The following DNAH2 variants were observed in gnomAD, a reference collection of about 807,000 sequenced individuals.
The protein encoded by DNAH2 is axonemal beta dynein heavy chain 2.
Under a neutral mutation model 523.5 loss-of-function variants are expected in DNAH2, and 323 were observed. The observed-to-expected ratio is 0.62, with a 90% CI of 0.56 to 0.68. The LOEUF is 0.68. Ranked by LOEUF, DNAH2 falls within the 30% of genes least tolerant of loss-of-function variation. The pLI is 0.00. For synonymous variants in DNAH2, 2,093 were observed against 2,177.4 expected (o/e 0.96, Z 1.08); for missense variants, 4,907 against 5,701.5 (o/e 0.86, Z 4.49).
rs2075858835 is a variant in DNAH2 at position 7,756,977 on chromosome 17, T to G, written c.1905-114T>G. ...TGAGCCACCATACCAGGCCTCTGCT[T>G]CATTTCTCATCTCGACATTTCCCTG... On this transcript the variant is annotated intron_variant, in intron 12 of 85. Transcript: ENST00000572933. The G allele has an allele frequency of 5.4e-6, 8 of 1,488,432 alleles. No homozygotes were observed. The South Asian group carries it at 8.8e-5, about 16-fold the overall frequency. The allele number at this position is 1,488,432 out of a possible 1,614,324, so 92.2% of individuals were successfully genotyped here.
rs2074496277 is a variant in DNAH2, at chr17:7,718,639, C to G, written c.-175C>G. 6.6e-6 allele frequency: 1 copy of G among 152,522 alleles called. No individual in the cohort carries two copies. The highest frequency in any genetic ancestry group is 1.5e-5 in the Non-Finnish European group (1 of 68,024). 9.4% of individuals were successfully genotyped at this position (152,522 alleles called of 1,614,324 possible). A position where few individuals can be genotyped will look rare whatever the true frequency, so the allele number is the denominator to read the frequency against. ...AATTTATGATTGGATGACTTTTGTC[C>G]TTCTTTCTTCCAATCTGTTCTCAGG... On this transcript the variant is annotated 5_prime_UTR_variant, in exon 1 of 86. Coordinates refer to ENST00000572933, the MANE Select transcript of DNAH2 (RefSeq NM_020877.5).
intron 72 of DNAH2, among the ~76,000 whole-genome samples, chr17:7,820,063 T>A (rs1240439554): frequency 6.6e-6 from 1 of 152,048 alleles, no homozygotes; most frequent in African/African-American, 2.4e-5. Context: ...CCTGCCATGG[T>A]CTCCCACAGT....
chr17:7,813,865 G>A (rs1433233168), intron 63 of DNAH2, among the ~76,000 whole-genome samples: 3 of 149,484 alleles, frequency 2.0e-5, no homozygotes, highest in South Asian at 2.1e-4. Flanking sequence ...CCAAGATGGC[G>A]CCACTGCACT....
intron 64 of DNAH2, 60 bp downstream of exon 64, chr17:7,816,795 A>G (rs888451698): frequency 2.5e-6 from 4 of 1,587,766 alleles, no homozygotes; most frequent in African/African-American, 1.3e-5. Context: ...CGAGAGACCC[A>G]TCCCTTTTAG....
chr17:7,782,694 C>T (rs186788154), intron 39 of DNAH2, among the ~76,000 whole-genome samples: 62 of 152,106 alleles, frequency 4.1e-4, no homozygotes, highest in African/African-American at 1.4e-3. Context: ...GGGCGAGGTG[C>T]GGTGGTTCAC....
At position 7,737,279 on chromosome 17, in the gene DNAH2, G is replaced by A. The variant is rs781328376; in HGVS notation, c.1170+21G>A. 1.2e-5 allele frequency: 20 copies of A among 1,607,404 alleles called. No individual in the cohort carries two copies. The East Asian group carries it at 4.3e-4, about 34-fold the overall frequency. On this transcript the variant is annotated intron_variant, in intron 8 of 85. Transcript: ENST00000572933. ...GAAAGGTGTGCATATGCTGAGGGTG[G>A]GATGGAGGGGTTTATGAGGGTGGCC...
At chr17:7,778,614 T>A (rs1214844158) in intron 35 of DNAH2, 145 bp downstream of exon 35, 9 of 838,946 alleles carry the variant, frequency 1.1e-5, no homozygotes, top group Non-Finnish European at 1.5e-5. Flanking sequence ...TTATTTATTT[T>A]TTGGAGTGCA....
At position 7,831,121 on chromosome 17, in the gene DNAH2, A is replaced by G. The variant is rs1358200802; in HGVS notation, c.12266A>G (p.Asp4089Gly). ...SALETYFIPK[D>G]GSLASYKEYI... ...CTGGAGACTTATTTCATCCCCAAGG[A>G]TGGCAGCCTCGCTTCTTACAAGGAA... Residue 4089 changes from aspartate (D) to glycine (G), a missense_variant, in exon 80 of 86, where the codon GAT becomes GGT. Transcript: ENST00000572933. This position sits in a 1 kb window ranked among gnomAD's most constrained non-coding sequence, Gnocchi z 4.2. The G allele has an allele frequency of 1.2e-6, 2 of 1,613,984 alleles. No individual in the cohort carries two copies. Among genetic ancestry groups the G allele is most frequent in the Admixed American group, 1.7e-5 (1 of 60,022 alleles).
chr17:7,739,125 G>A (rs928206364), intron 8 of DNAH2: 7 of 614,508 alleles, frequency 1.1e-5, no homozygotes, highest in African/African-American at 9.1e-5. Flanking sequence ...TGAACTTATG[G>A]CCAGGCGCGG....
In DNAH2 at chr17:7,735,330, C is replaced by T. The variant is rs184733269; in HGVS notation, c.978+622C>T. Among the ~76,000 whole-genome samples, 117 of 152,258 alleles carry T rather than the reference C, an allele frequency of 7.7e-4. 1 individual carries two copies. Among genetic ancestry groups the T allele is most frequent in the African/African-American group, 2.6e-3 (107 of 41,542 alleles). On this transcript the variant is annotated intron_variant, in intron 7 of 85. Coordinates refer to ENST00000572933, the MANE Select transcript of DNAH2 (RefSeq NM_020877.5). Reference sequence around the variant, plus strand: ...GTTTTTAGTAGAGACGGGGTTTCACCGTGTTAGTCAGGCTGGTCTCAAATG... The same window carrying T: ...GTTTTTAGTAGAGACGGGGTTTCACTGTGTTAGTCAGGCTGGTCTCAAATG...
chr17:7,718,822 G>A (rs2074501320), intron 1 of DNAH2, 23 bp downstream of exon 1: 1 of 152,690 alleles, frequency 6.5e-6, no homozygotes, highest in Admixed American at 6.5e-5. Flanking sequence ...GTTTTTCTCT[G>A]TTTACAGATG....
chr17:7,827,777 T>C (rs1055036142), intron 77 of DNAH2, among the ~76,000 whole-genome samples: 1 of 151,906 alleles, frequency 6.6e-6, no homozygotes, highest in African/African-American at 2.4e-5. Flanking sequence ...TAACCAATTC[T>C]CCCAGTACCA....
At position 7,832,366 on chromosome 17, in the gene DNAH2, C is replaced by G. The variant is rs1212167620; in HGVS notation, c.12727-213C>G. On this transcript the variant is annotated intron_variant, in intron 82 of 85. Coordinates refer to ENST00000572933, the MANE Select transcript of DNAH2 (RefSeq NM_020877.5). The surrounding 1 kb of genome is among the most constrained non-coding windows in gnomAD (Gnocchi z 4.3). ...CTACTAAAAAAATACAAAAATTAGC[C>G]GGGCGTGATGGTGGGCGCCTGTAAT... Among the ~76,000 whole-genome samples, 1 of 151,976 alleles carries G rather than the reference C, an allele frequency of 6.6e-6. No individual in the cohort carries two copies. Among genetic ancestry groups the G allele is most frequent in the Non-Finnish European group, 1.5e-5 (1 of 67,970 alleles).
chr17:7,780,898 TC>T lies in DNAH2; in HGVS notation c.6003+117del. 1 of 1,580,304 alleles carries T rather than the reference TC, an allele frequency of 6.3e-7. No homozygotes were observed. Reference sequence around the variant, plus strand: ...AGATTGGGATTCTCACCTTCCCACCTCGTCCCATCCCCGTGTTGCCCGCTGC... The same window carrying T: ...AGATTGGGATTCTCACCTTCCCACCTGTCCCATCCCCGTGTTGCCCGCTGC... On this transcript the variant is annotated intron_variant, in intron 38 of 85. Transcript: ENST00000572933. This position sits in a 1 kb window ranked among gnomAD's most constrained non-coding sequence, Gnocchi z 4.4.
chr17:7,739,002 G>A, intron 8 of DNAH2: 1 of 702,792 alleles, frequency 1.4e-6, no homozygotes, highest in Non-Finnish European at 2.6e-6. Context: ...AGCGCTGCAA[G>A]GACCTTATTG....
intron 24 of DNAH2, among the ~76,000 whole-genome samples, chr17:7,769,961 G>A (rs1400879895): frequency 1.3e-5 from 2 of 152,200 alleles, no homozygotes; most frequent in East Asian, 1.9e-4. Context: ...GATATGAGAT[G>A]TTTCATGTAA....
intron 2 of DNAH2, 39 bp from the exon 3 acceptor site, chr17:7,723,589 C>A: frequency 6.3e-7 from 1 of 1,598,760 alleles, no homozygotes; most frequent in Non-Finnish European, 8.6e-7. Context: ...TTTAACTTTC[C>A]AAGAAATGCC....
In DNAH2 at chr17:7,738,908, G is replaced by A. The variant is rs139385838; in HGVS notation, c.1171-825G>A. On this transcript the variant is annotated intron_variant, in intron 8 of 85. Coordinates refer to ENST00000572933, the MANE Select transcript of DNAH2 (RefSeq NM_020877.5). Reference sequence around the variant, plus strand: ...ACTGCTCTTGCCTTCCAATTCAGTCGGCCTTTCTCCTGACACAGGTTCTCC... The same window carrying A: ...ACTGCTCTTGCCTTCCAATTCAGTCAGCCTTTCTCCTGACACAGGTTCTCC... The A allele has an allele frequency of 1.0e-3, 718 of 699,666 alleles. 3 individuals carry two copies. The African/African-American group carries it at 0.011, about 11-fold the overall frequency. 43.3% of individuals were successfully genotyped at this position (699,666 alleles called of 1,614,324 possible).
chr17:7,818,459 A>T lies in DNAH2; in HGVS notation c.10535A>T (p.Gln3512Leu), dbSNP rs1597761911. The T allele has an allele frequency of 6.2e-7, 1 of 1,614,182 alleles. No homozygotes were observed. The highest frequency in any genetic ancestry group is 2.2e-5 in the East Asian group (1 of 44,888). ...ATCGTCAACTTTGCTGTTAAAGAAC[A>T]GGTGGGTACAGGCTGAGGTCCAGAC... ...TTIVNFAVKE[Q>L]GLEAQLLGIV... The change falls in exon 69 of 86, where the codon CAG becomes CTG. Residue 3512 changes from glutamine to leucine, a missense_variant and splice_region_variant. Transcript: ENST00000572933.
Sources: allele counts gnomAD v4.1 joint callset (sites outside exome capture counted in the v4.1 genomes callset), GRCh38; gene constraint gnomAD v4.1.1; non-coding constraint Gnocchi (gnomAD v3.1); transcripts MANE v1.5; gene names NCBI Gene and HGNC (gene_info 2026-07-23, HGNC 2026-07-21).